TAPBP: variants seen among roughly 807,000 people sequenced by gnomAD.
TAPBP encodes TAP binding protein.
In TAPBP, 38 loss-of-function variants were observed where a neutral mutation model predicts 45.7. That is an observed-to-expected ratio of 0.83 (90% CI 0.64 to 1.09). The LOEUF (loss-of-function observed/expected upper bound fraction) is 1.09, where lower values mean the gene tolerates loss of function less well. Ranked by LOEUF, TAPBP falls within the 50% of genes least tolerant of loss-of-function variation. The pLI is 0.00. For missense variants in TAPBP, 513 were observed against 587.3 expected (o/e 0.87, Z 1.31); for synonymous variants, 226 against 254.8 (o/e 0.89, Z 1.08).
At chr6:33,304,265 G>A (rs768013205) in intron 5 of TAPBP, 32 bp downstream of exon 5, 2 of 1,606,672 alleles carry the variant, frequency 1.2e-6, no homozygotes, top group South Asian at 2.2e-5. Context: ...CCTGGGTGCT[G>A]GCTCAGATTC....
chr6:33,309,681 G>C (rs1450180314), intron 3 of TAPBP, among the ~76,000 whole-genome samples: 1 of 115,040 alleles, frequency 8.7e-6, no homozygotes, highest in African/African-American at 3.4e-5. Context: ...ACAGCCTCCC[G>C]AGTAGCTGGG....
intron 7 of TAPBP, among the ~76,000 whole-genome samples, chr6:33,302,011 C>T (rs1429875328): frequency 6.6e-6 from 1 of 152,072 alleles, no homozygotes; most frequent in Non-Finnish European, 1.5e-5. Flanking sequence ...ATATGACAGC[C>T]ACCACCCACA....
Position 33,314,045 on chromosome 6 carries a change from G to C in TAPBP, c.-4C>G, listed in dbSNP as rs760700081. The C allele has an allele frequency of 1.2e-6, 2 of 1,613,878 alleles. No individual in the cohort carries two copies. Among genetic ancestry groups the C allele is most frequent in the Admixed American group, 1.7e-5 (1 of 60,020 alleles). On this transcript the variant is annotated 5_prime_UTR_variant, in exon 1 of 8. Coordinates refer to ENST00000434618, the MANE Select transcript of TAPBP (RefSeq NM_003190.5). ...GGAGCAGAGACAGGGACTTCATGGC[G>C]CTGCGACCTCCTCAGCCATGAAGCC...
At chr6:33,303,459 G>C (rs1028879124) in intron 7 of TAPBP, 2 of 381,226 alleles carry the variant, frequency 5.2e-6, no homozygotes, top group Non-Finnish European at 4.8e-6. Flanking sequence ...TGTGTATAAG[G>C]TGTATAGGAA....
intron 7 of TAPBP, chr6:33,303,613 A>T: frequency 1.1e-6 from 1 of 910,456 alleles, no homozygotes; most frequent in Non-Finnish European, 1.6e-6. Flanking sequence ...TTATTAGATT[A>T]AATAAGGTAT....
At chr6:33,303,194 G>A (rs769086553) in intron 7 of TAPBP, among the ~76,000 whole-genome samples, 4 of 151,938 alleles carry the variant, frequency 2.6e-5, no homozygotes, top group South Asian at 2.1e-4. Flanking sequence ...GGCAGCGGGC[G>A]GATCACCTGA....
intron 4 of TAPBP, 134 bp downstream of exon 4, chr6:33,304,855 T>C: frequency 7.0e-7 from 1 of 1,426,024 alleles, no homozygotes; most frequent in Non-Finnish European, 9.5e-7. Flanking sequence ...ATTACCCCTC[T>C]AACTCCCAGG....
rs1189806033 is a variant in TAPBP at position 33,301,032 on chromosome 6, G to A, written c.*728C>T. ...AAGTGTACAGTGGAGTTTTTCAGAA[G>A]CTACATGATATGTATTGACACCATG... On this transcript the variant is annotated 3_prime_UTR_variant, in exon 8 of 8. Transcript: ENST00000434618. The A allele has an allele frequency of 6.6e-6, 1 of 151,744 alleles. No individual in the cohort carries two copies. The highest frequency in any genetic ancestry group is 6.6e-5 in the Admixed American group (1 of 15,236). 9.4% of individuals were successfully genotyped at this position (151,744 alleles called of 1,614,324 possible). A position where few individuals can be genotyped will look rare whatever the true frequency, so the allele number is the denominator to read the frequency against.
At position 33,313,881 on chromosome 6, in the gene TAPBP, C is replaced by A. The variant is rs1041277825; in HGVS notation, c.38-17G>T. ...TCGCCAGGCCTGGCGTATAGGGACG[C>A]GAGTGAGGAGCGGTTTGTATGTCTG... is the stretch of plus-strand genomic sequence containing the variant. On this transcript the variant is annotated splice_polypyrimidine_tract_variant and intron_variant, in intron 1 of 7. Transcript: ENST00000434618. The surrounding 1 kb of genome is among the most constrained non-coding windows in gnomAD (Gnocchi z 7.2). 6.2e-7 allele frequency: 1 copy of A among 1,613,352 alleles called. No individual in the cohort carries two copies. Among genetic ancestry groups the A allele is most frequent in the South Asian group, 1.1e-5 (1 of 91,062 alleles).
In TAPBP at chr6:33,305,230, C is replaced by T; in HGVS notation, c.627G>A (p.Gln209=). The change falls in exon 4 of 8, where the codon CAG becomes CAA. Residue 209 remains glutamine, a synonymous_variant. Transcript: ENST00000434618. The surrounding 1 kb of genome is among the most constrained non-coding windows in gnomAD (Gnocchi z 4.4). Reference sequence around the variant, plus strand: ...GGAGCAGATGTCCCTTACCCAGGTGCTGGCGTCGCCACTCTAGCCCAAAGG... The same window carrying T: ...GGAGCAGATGTCCCTTACCCAGGTGTTGGCGTCGCCACTCTAGCCCAAAGG... ...PPPFGLEWRR[Q]HLGKGHLLLA... 1 of 1,613,436 alleles carries T rather than the reference C, an allele frequency of 6.2e-7. No individual in the cohort carries two copies. Among genetic ancestry groups the T allele is most frequent in the Non-Finnish European group, 8.5e-7 (1 of 1,179,544 alleles).
In TAPBP at chr6:33,313,671, G is replaced by A. The variant is rs1401561056; in HGVS notation, c.208+23C>T. On this transcript the variant is annotated intron_variant, in intron 2 of 7. Transcript: ENST00000434618. The surrounding 1 kb of genome is among the most constrained non-coding windows in gnomAD (Gnocchi z 7.2). ...CGGTGGAGGCGACAGAGGTAGGGGG[G>A]CGGCGAGTCCCTAGAGACTCACCGT... The A allele has an allele frequency of 6.3e-7, 1 of 1,596,590 alleles. No homozygotes were observed. Among genetic ancestry groups the A allele is most frequent in the South Asian group, 1.1e-5 (1 of 90,366 alleles).
chr6:33,310,283 A>T (rs897206281), intron 3 of TAPBP, among the ~76,000 whole-genome samples: 3 of 151,788 alleles, frequency 2.0e-5, no homozygotes, highest in African/African-American at 7.2e-5. Context: ...AGGTGGGTGG[A>T]TCACCTGAGG....
intron 3 of TAPBP, among the ~76,000 whole-genome samples, chr6:33,312,002 T>C (rs1177152323): frequency 6.6e-6 from 1 of 152,242 alleles, no homozygotes; most frequent in Non-Finnish European, 1.5e-5. Context: ...AAAGTATTTA[T>C]TGAATCAATG....
rs747320762 is a variant in TAPBP at position 33,313,851 on chromosome 6, G to T, written c.51C>A (p.Ala17=). 1.2e-5 allele frequency: 19 copies of T among 1,613,626 alleles called. No homozygotes were observed. The highest frequency in any genetic ancestry group is 6.7e-5 in the East Asian group (3 of 44,874). ...LLAVALGLAT[A]VSAGPAVIEC... ...CGATCACCGCGGGTCCTGCTGAGAC[G>T]GCGGTCGCCAGGCCTGGCGTATAGG... is the stretch of plus-strand genomic sequence containing the variant. The change falls in exon 2 of 8, where the codon GCC becomes GCA. Residue 17 remains alanine (A), a synonymous_variant. Coordinates refer to ENST00000434618, the MANE Select transcript of TAPBP (RefSeq NM_003190.5). This position sits in a 1 kb window ranked among gnomAD's most constrained non-coding sequence, Gnocchi z 7.2.
At position 33,305,087 on chromosome 6, in the gene TAPBP, C is replaced by T. The variant is rs1221008255; in HGVS notation, c.770G>A (p.Trp257Ter). 1 of 1,614,194 alleles carries T rather than the reference C, an allele frequency of 6.2e-7. No homozygotes were observed. The highest frequency in any genetic ancestry group is 1.1e-5 in the South Asian group (1 of 91,086). Residue 257 changes from tryptophan to a stop codon, truncating the protein, a stop_gained, in exon 4 of 8, where the codon TGG (tryptophan) becomes TAG (stop). Coordinates refer to ENST00000434618, the MANE Select transcript of TAPBP (RefSeq NM_003190.5). LOFTEE classifies it high-confidence loss of function. The surrounding 1 kb of genome is among the most constrained non-coding windows in gnomAD (Gnocchi z 4.4). The part of the protein sequence containing the change: ...WGPWTGNGTF[W>*]LPTVQPFQEG... Reference sequence around the variant, plus strand: ...CTGAAAGGGTTGAACTGTAGGCAGCCAGAAGGTCCCATTTCCGGTCCATGG... The same window carrying T: ...CTGAAAGGGTTGAACTGTAGGCAGCTAGAAGGTCCCATTTCCGGTCCATGG...
rs1239542561 is a variant in TAPBP at position 33,301,625 on chromosome 6, A to G, written c.*135T>C. 6 of 797,976 alleles carry G rather than the reference A, an allele frequency of 7.5e-6. No homozygotes were observed. Among genetic ancestry groups the G allele is most frequent in the Non-Finnish European group, 1.2e-5 (6 of 490,890 alleles). The allele number at this position is 797,976 out of a possible 1,614,324, so 49.4% of individuals were successfully genotyped here. Reference sequence around the variant, plus strand: ...CCCTTATATAAGTGAAAGAAAAAAAAAAAAGCATTCCAGCCACTCAGTGGA... The same window carrying G: ...CCCTTATATAAGTGAAAGAAAAAAAGAAAAGCATTCCAGCCACTCAGTGGA... On this transcript the variant is annotated 3_prime_UTR_variant, in exon 8 of 8. Coordinates refer to ENST00000434618, the MANE Select transcript of TAPBP (RefSeq NM_003190.5).
chr6:33,309,003 C>T (rs1239744167), intron 3 of TAPBP, among the ~76,000 whole-genome samples: 1 of 151,906 alleles, frequency 6.6e-6, no homozygotes, highest in Non-Finnish European at 1.5e-5. Context: ...AAACTGTTCT[C>T]ATCTTCATGG....
chr6:33,303,730 C>T lies in TAPBP; in HGVS notation c.1335+225G>A, dbSNP rs930411681. 26 of 1,547,758 alleles carry T rather than the reference C, an allele frequency of 1.7e-5. No homozygotes were observed. The African/African-American group carries it at 2.3e-4, about 14-fold the overall frequency. On this transcript the variant is annotated intron_variant, in intron 7 of 7. Coordinates refer to ENST00000434618, the MANE Select transcript of TAPBP (RefSeq NM_003190.5). ...ATTATCTTTCTATTGGACAGCACTG[C>T]CTAAGTAACTTTTTAAAATCCCTAC...
intron 3 of TAPBP, among the ~76,000 whole-genome samples, chr6:33,309,597 C>CTTTTTTTTTTTTTT (rs1491313218): frequency 1.0e-5 from 1 of 95,436 alleles, no homozygotes; most frequent in African/African-American, 5.1e-5. Flanking sequence ...TACAGTTTAA[C>CTTTTTTTTTTTTTT]TCTTTTTTTT....
Sources: gnomAD v4.1 joint callset for allele counts (sites outside exome capture counted in the v4.1 genomes callset) on GRCh38, gnomAD v4.1.1 for gene constraint, Gnocchi (gnomAD v3.1) non-coding constraint, MANE v1.5 for transcripts, NCBI Gene and HGNC (gene_info 2026-07-23, HGNC 2026-07-21) for gene names.